Variants in ZNF586 observed in about 807,000 individuals in gnomAD.
ZNF586 encodes zinc finger protein 586.
ZNF586 carries 7 observed loss-of-function variants against 6.7 expected under a neutral mutation model. The ratio of observed to expected loss-of-function variants is 1.04; its 90% CI spans 0.59 to 1.95. ZNF586 has a LOEUF of 1.95. Among genes scored for constraint, ZNF586 ranks in the 30% most tolerant of loss-of-function variants. ZNF586 has a pLI of 0.00. For missense variants in ZNF586, 442 were observed against 489.6 expected, an observed-to-expected ratio of 0.90 and a Z score of 0.92; for synonymous variants, 166 against 168.7, an observed-to-expected ratio of 0.98 and a Z score of 0.12.
In ZNF586 at chr19:57,779,180, A is replaced by T; in HGVS notation, c.593A>T (p.Lys198Ile). Residue 198 changes from lysine (K) to isoleucine (I), a missense_variant, in exon 3 of 3, where the codon AAA (lysine) becomes ATA (isoleucine). Lys to Ile is a moderately radical substitution (Grantham distance 102). Transcript: ENST00000396154. ...AAGTCCAGTCTCATTAACCACAGGAAAGTTCACTCTGGAGCAAAGCGTTAT... is the reference window on the plus strand; with the variant it reads ...AAGTCCAGTCTCATTAACCACAGGATAGTTCACTCTGGAGCAAAGCGTTAT... The part of the protein sequence containing the change: ...AEKSSLINHR[K>I]VHSGAKRYEC... The T allele has an allele frequency of 6.2e-7, 1 of 1,613,300 alleles. No individual in the cohort carries two copies. The highest frequency in any genetic ancestry group is 1.1e-5 in the South Asian group (1 of 91,042).
At chr19:57,770,752 C>T (rs891364007) in intron 1 of ZNF586, among the ~76,000 whole-genome samples, 1 of 152,192 alleles carries the variant, frequency 6.6e-6, no homozygotes, top group South Asian at 2.1e-4. Flanking sequence ...TTTTGGCACA[C>T]CTCATGGCTA....
chr19:57,772,184 GTTT>G (rs1179405561), intron 1 of ZNF586, among the ~76,000 whole-genome samples: 1 of 152,100 alleles, frequency 6.6e-6, no homozygotes, highest in Non-Finnish European at 1.5e-5. Context: ...ACACCCCTGG[GTTT>G]TTTATCTTAG....
chr19:57,776,532 C>T lies in ZNF586; in HGVS notation c.37-11C>T, dbSNP rs1349993473. The T allele has an allele frequency of 1.9e-6, 3 of 1,609,962 alleles. 1 individual carries two copies. The South Asian group carries it at 3.3e-5, about 18-fold the overall frequency. ...GGCCATTTGTGGTTTCATCTATCCC[C>T]ATCATAACAGAGCAGTGTGACCTTT... On this transcript the variant is annotated splice_polypyrimidine_tract_variant and intron_variant, in intron 1 of 2. Transcript: ENST00000396154.
chr19:57,774,023 G>A (rs112459553), intron 1 of ZNF586, among the ~76,000 whole-genome samples: 5,975 of 151,132 alleles, frequency 0.04, 181 homozygotes, highest in Non-Finnish European at 0.059. Flanking sequence ...CGAGATCAGC[G>A]TCGCCAACAT....
chr19:57,777,381 C>T (rs985654799), intron 2 of ZNF586, among the ~76,000 whole-genome samples: 8 of 151,994 alleles, frequency 5.3e-5, no homozygotes, highest in Non-Finnish European at 8.8e-5. Context: ...ATGAAGAGCC[C>T]GTGGTTGTCC....
At chr19:57,778,687 T>G (rs765210648) in intron 2 of ZNF586, 64 bp from the exon 3 acceptor site, 2 of 1,475,706 alleles carry the variant, frequency 1.4e-6, no homozygotes, top group African/African-American at 2.8e-5. Flanking sequence ...TCAGATACTC[T>G]TGTGGGTAGG....
chr19:57,776,483 TGGACTGTGGGTCTTCAGCATAGG>T (rs1987238141), intron 1 of ZNF586, 37 bp from the exon 2 acceptor site: 3 of 1,552,702 alleles, frequency 1.9e-6, no homozygotes, highest in Admixed American at 2.0e-5. Flanking sequence ...GTTGGGGAAG[TGGACTGTGGGTCTTCAGCATAGG>T]GGCCATTTGT....
Position 57,780,022 on chromosome 19 carries a change from G to T in ZNF586, c.*226G>T. 1 of 524,004 alleles carries T rather than the reference G, an allele frequency of 1.9e-6. No individual in the cohort carries two copies. Among genetic ancestry groups the T allele is most frequent in the South Asian group, 3.2e-5 (1 of 31,198 alleles). The allele number at this position is 524,004 out of a possible 1,614,324, so 32.5% of individuals were successfully genotyped here. A position where few individuals can be genotyped will look rare whatever the true frequency, so the allele number is the denominator to read the frequency against. On this transcript the variant is annotated 3_prime_UTR_variant, in exon 3 of 3. Transcript: ENST00000396154. ...ATTGGTTACCACAATATTTACATGA[G>T]GAAAATACCACAGATGTGGAGGTAA... is the stretch of plus-strand genomic sequence containing the variant.
At chr19:57,775,882 G>T (rs757258016) in intron 1 of ZNF586, among the ~76,000 whole-genome samples, 4 of 152,084 alleles carry the variant, frequency 2.6e-5, no homozygotes, top group Admixed American at 1.3e-4. Context: ...GATTACAGGC[G>T]TGCGCCACCG....
intron 1 of ZNF586, chr19:57,774,851 C>A (rs1987188360): frequency 1.7e-6 from 1 of 601,838 alleles, no homozygotes; most frequent in Non-Finnish European, 2.1e-6. Context: ...TCTGGTGATA[C>A]CAGTACTACC....
In ZNF586 at chr19:57,778,964, A is replaced by G; in HGVS notation, c.377A>G (p.Lys126Arg). Residue 126 changes from lysine (K) to arginine (R), a missense_variant, in exon 3 of 3, where the codon AAA becomes AGA. Physicochemically the swap from Lys to Arg is conservative, Grantham distance 26. Coordinates refer to ENST00000396154, the MANE Select transcript of ZNF586 (RefSeq NM_017652.4). ...GGAGAAAGGCCTTATGAGTGCAGCA[A>G]ATATGGGAAATTATTTCACCAAAAG... is the stretch of plus-strand genomic sequence containing the variant. ...RTGERPYECS[K>R]YGKLFHQKPT... is the part of the protein sequence containing the mutation. 1.2e-6 allele frequency: 2 copies of G among 1,614,162 alleles called. No individual in the cohort carries two copies. Among genetic ancestry groups the G allele is most frequent in the Non-Finnish European group, 1.7e-6 (2 of 1,180,034 alleles).
At chr19:57,774,987 T>G (rs1339666197) in intron 1 of ZNF586, among the ~76,000 whole-genome samples, 1 of 144,816 alleles carries the variant, frequency 6.9e-6, no homozygotes, top group East Asian at 2.0e-4. Context: ...TGTAGCAGGT[T>G]TCAGTTTCTT....
intron 1 of ZNF586, among the ~76,000 whole-genome samples, chr19:57,770,876 G>T (rs1258916477): frequency 1.3e-5 from 2 of 151,668 alleles, no homozygotes; most frequent in Non-Finnish European, 2.9e-5. Context: ...TTCGGCGACG[G>T]GTTCTCACTC....
At chr19:57,777,154 C>G (rs559467753) in intron 2 of ZNF586, among the ~76,000 whole-genome samples, 1 of 152,208 alleles carries the variant, frequency 6.6e-6, no homozygotes, top group African/African-American at 2.4e-5. Flanking sequence ...AGAGGCTACT[C>G]GGAGCCCAGG....
rs776286542 is a variant in ZNF586 at position 57,778,935 on chromosome 19, C to T, written c.348C>T (p.Arg116=). ...PRRDHKHRNV[R]TGERPYECSK... ...GAGATCACAAACACAGGAATGTTCG[C>T]ACTGGAGAAAGGCCTTATGAGTGCA... Residue 116 remains arginine (R), a synonymous_variant, in exon 3 of 3, where the codon CGC becomes CGT. Transcript: ENST00000396154. 6.2e-7 allele frequency: 1 copy of T among 1,614,118 alleles called. No homozygotes were observed. Among genetic ancestry groups the T allele is most frequent in the South Asian group, 1.1e-5 (1 of 91,080 alleles).
At chr19:57,770,004 G>C in intron 1 of ZNF586, 126 bp downstream of exon 1, 1 of 946,772 alleles carries the variant, frequency 1.1e-6, no homozygotes, top group Admixed American at 3.5e-5. Flanking sequence ...AGGCGCCGGC[G>C]GGTGGGATCC....
intron 1 of ZNF586, among the ~76,000 whole-genome samples, chr19:57,773,796 T>C (rs535594996): frequency 6.6e-6 from 1 of 152,348 alleles, no homozygotes; most frequent in East Asian, 1.9e-4. Context: ...ATGACTTTAG[T>C]GTGGCCTGGG....
chr19:57,770,714 G>A (rs1028459112), intron 1 of ZNF586, among the ~76,000 whole-genome samples: 8 of 152,188 alleles, frequency 5.3e-5, no homozygotes, highest in Non-Finnish European at 1.2e-4. Flanking sequence ...TCAAATCCGA[G>A]CACAGACACA....
intron 1 of ZNF586, among the ~76,000 whole-genome samples, chr19:57,774,000 G>A (rs1447618450): frequency 6.6e-6 from 1 of 152,038 alleles, no homozygotes; most frequent in Non-Finnish European, 1.5e-5. Context: ...CAGATCACGT[G>A]AGGCCGGGGG....
Sources: allele counts gnomAD v4.1 joint callset (sites outside exome capture counted in the v4.1 genomes callset), GRCh38; gene constraint gnomAD v4.1.1; transcripts MANE v1.5; gene names NCBI Gene and HGNC (gene_info 2026-07-23, HGNC 2026-07-21).